Variants in ANKRD45 observed in about 807,000 individuals in gnomAD.
The protein encoded by ANKRD45 is ankyrin repeat domain 45.
A neutral mutation model predicts 28.1 loss-of-function variants in ANKRD45; 21 were observed. The observed-to-expected ratio is 0.75, with a 90% CI of 0.53 to 1.08. The LOEUF (loss-of-function observed/expected upper bound fraction) is 1.08. Among genes scored for constraint, ANKRD45 ranks in the 50% least tolerant of loss-of-function variants. The pLI is 0.00. For synonymous variants in ANKRD45, 86 were observed against 103.9 expected, an observed-to-expected ratio of 0.83 and a Z score of 1.05; for missense variants, 261 against 308.7, an observed-to-expected ratio of 0.85 and a Z score of 1.16.
chr1:173,629,062 G>A (rs1256943599), intron 3 of ANKRD45, among the ~76,000 whole-genome samples: 2 of 152,256 alleles, frequency 1.3e-5, no homozygotes, highest in African/African-American at 2.4e-5. Flanking sequence ...GTCTGCAAGA[G>A]CCACAGCGTT....
the ANKRD45 span, among the ~76,000 whole-genome samples, chr1:173,709,573 G>A: frequency 6.6e-6 from 1 of 152,002 alleles, no homozygotes; most frequent in Admixed American, 6.6e-5. Flanking sequence ...CATCTTAAAG[G>A]CTGCACACCA....
At chr1:173,715,000 C>CGGT in the ANKRD45 span, 2,584 of 152,986 alleles carry the variant, frequency 0.017, 78 homozygotes, top group African/African-American at 0.056. Flanking sequence ...GCGTTAGCGG[C>CGGT]GGTGGAGGAG....
chr1:173,683,610 G>A, the ANKRD45 span, among the ~76,000 whole-genome samples: 20 of 152,200 alleles, frequency 1.3e-4, no homozygotes, highest in Non-Finnish European at 1.5e-5. Context: ...ATTTGTCAAA[G>A]GTCAGCAGCA....
chr1:173,640,077 C>T (rs1344889168), intron 3 of ANKRD45, among the ~76,000 whole-genome samples: 1 of 152,158 alleles, frequency 6.6e-6, no homozygotes, highest in African/African-American at 2.4e-5. Context: ...AATGTCTTCC[C>T]ATTGCCTTAT....
At position 173,657,029 on chromosome 1, in the gene ANKRD45, T is replaced by C. The variant is rs375443183; in HGVS notation, c.328+2062A>G. Reference sequence around the variant, plus strand: ...CTGGGCTCAAGCTATGCTCCCACCTTGGCCTCCCATAGTGCTGGGATTACA... The same window carrying C: ...CTGGGCTCAAGCTATGCTCCCACCTCGGCCTCCCATAGTGCTGGGATTACA... On this transcript the variant is annotated intron_variant, in intron 2 of 5. Coordinates refer to ENST00000333279, the MANE Select transcript of ANKRD45 (RefSeq NM_198493.3). Among the ~76,000 whole-genome samples the C allele has an allele frequency of 2.3e-4, 34 of 147,008 alleles. 3 individuals are homozygous for C. The East Asian group carries it at 2.8e-3, about 12-fold the overall frequency.
intron 2 of ANKRD45, among the ~76,000 whole-genome samples, chr1:173,653,072 A>C (rs1669314791): frequency 6.6e-6 from 1 of 151,984 alleles, no homozygotes; most frequent in Non-Finnish European, 1.5e-5. Flanking sequence ...GATTTTTTTG[A>C]AGGGTTTTTT....
At chr1:173,709,777 A>G in the ANKRD45 span, among the ~76,000 whole-genome samples, 52,303 of 151,900 alleles carry the variant, frequency 0.34, 9,861 homozygotes, top group African/African-American at 0.51. Flanking sequence ...GACTAGAGGC[A>G]TGTGACACCA....
intron 3 of ANKRD45, among the ~76,000 whole-genome samples, chr1:173,628,889 G>A (rs531221211): frequency 6.6e-6 from 1 of 152,326 alleles, no homozygotes; most frequent in South Asian, 2.1e-4. Flanking sequence ...GTGGCCACAG[G>A]GGTGCTTGTC....
chr1:173,708,249 T>G, the ANKRD45 span, among the ~76,000 whole-genome samples: 1 of 152,226 alleles, frequency 6.6e-6, no homozygotes, highest in Non-Finnish European at 1.5e-5. Context: ...TCTCCAAATT[T>G]CATGTTGAAA....
the ANKRD45 span, among the ~76,000 whole-genome samples, chr1:173,699,050 A>T: frequency 2.6e-5 from 4 of 152,062 alleles, no homozygotes; most frequent in African/African-American, 9.7e-5. Flanking sequence ...ACACCTCTAC[A>T]CAAATAAACT....
rs146093996 is a variant in ANKRD45 at position 173,637,356 on chromosome 1, G to A, written c.496+9490C>T. ...AAGCAAAATTTACTCAAAGACCTGT[G>A]CTAATATTCTTAAATTCTGCTAGCT... On this transcript the variant is annotated intron_variant, in intron 3 of 5. Transcript: ENST00000333279. 3.9e-3 allele frequency among the ~76,000 whole-genome samples: 598 copies of A among 152,290 alleles called. 4 individuals carry two copies. Among genetic ancestry groups the A allele is most frequent in the African/African-American group, 0.012 (516 of 41,558 alleles).
chr1:173,629,920 AAAG>A (rs1432842103), intron 3 of ANKRD45, among the ~76,000 whole-genome samples: 1 of 152,200 alleles, frequency 6.6e-6, no homozygotes, highest in African/African-American at 2.4e-5. Flanking sequence ...CAGCAAGAGA[AAAG>A]AAACCAATAA....
At chr1:173,691,794 A>G in the ANKRD45 span, among the ~76,000 whole-genome samples, 2 of 152,174 alleles carry the variant, frequency 1.3e-5, no homozygotes, top group Non-Finnish European at 2.9e-5. Flanking sequence ...CTCAAAAAAC[A>G]AAACAAAACA....
At chr1:173,700,305 G>C in the ANKRD45 span, among the ~76,000 whole-genome samples, 4 of 152,240 alleles carry the variant, frequency 2.6e-5, no homozygotes, top group South Asian at 2.1e-4. Context: ...TTTCTTCACA[G>C]AATTGGAAAA....
chr1:173,648,154 G>A (rs1669022336), intron 2 of ANKRD45, among the ~76,000 whole-genome samples: 2 of 152,050 alleles, frequency 1.3e-5, no homozygotes, highest in Non-Finnish European at 2.9e-5. Flanking sequence ...TGGCCAGGAT[G>A]GTCTTGATCT....
rs1436599924 is a variant in ANKRD45 at position 173,610,175 on chromosome 1, C to T, written c.771G>A (p.Gln257=). 6.2e-7 allele frequency: 1 copy of T among 1,614,064 alleles called. No individual in the cohort carries two copies. The highest frequency in any genetic ancestry group is 8.5e-7 in the Non-Finnish European group (1 of 1,180,034). The change falls in exon 6 of 6, where the codon CAG becomes CAA. Residue 257 remains glutamine, a synonymous_variant. Coordinates refer to ENST00000333279, the MANE Select transcript of ANKRD45 (RefSeq NM_198493.3). ...TGGAGGTATCATCTTGACTTCTCTT[C>T]TGGTCATGGCTTGTTACAGATTTGG... ...KSAKSVTSHD[Q]KRSQDDTSN
Position 173,610,508 on chromosome 1 carries a change from CT to C in ANKRD45, c.731-294del, listed in dbSNP as rs1301292125. 2.0e-5 allele frequency among the ~76,000 whole-genome samples: 3 copies of C among 152,256 alleles called. No individual in the cohort carries two copies. The East Asian group carries it at 5.8e-4, about 29-fold the overall frequency. ...ACCTCTGTTGTCTTCACTTTCTTCA[CT>C]GCAAAGTCAGGGTTCATTTCAGAGG... On this transcript the variant is annotated intron_variant, in intron 5 of 5. Coordinates refer to ENST00000333279, the MANE Select transcript of ANKRD45 (RefSeq NM_198493.3).
At chr1:173,678,907 C>T in the ANKRD45 span, among the ~76,000 whole-genome samples, 1 of 151,548 alleles carries the variant, frequency 6.6e-6, no homozygotes, top group Non-Finnish European at 1.5e-5. Flanking sequence ...TTCTATACAT[C>T]AATAACAGAG....
In ANKRD45 at chr1:173,666,005, C is replaced by A. The variant is rs1001662503; in HGVS notation, c.-16+3812G>T. On this transcript the variant is annotated intron_variant, in intron 1 of 5. Transcript: ENST00000333279. The stretch of plus-strand genomic sequence containing the variant: ...CTCCAGCCTGGATGACTGAGCAAGA[C>A]CCTGTCTCCAAAAAACAACAACAAA... 2.6e-5 allele frequency among the ~76,000 whole-genome samples: 4 copies of A among 152,058 alleles called. No homozygotes were observed. In the East Asian group the frequency reaches 5.8e-4, roughly 22 times the overall value.
Sources: gnomAD v4.1 joint callset for allele counts (sites outside exome capture counted in the v4.1 genomes callset) on GRCh38, gnomAD v4.1.1 for gene constraint, MANE v1.5 for transcripts, NCBI Gene and HGNC (gene_info 2026-07-23, HGNC 2026-07-21) for gene names.